Variants in CNTNAP2 observed in about 807,000 individuals in gnomAD.
CNTNAP2 encodes the protein contactin-associated protein-like 2.
In CNTNAP2, 98 loss-of-function variants were observed where a neutral mutation model predicts 155.2. That is an observed-to-expected ratio of 0.63 (90% CI 0.54 to 0.75). The LOEUF (loss-of-function observed/expected upper bound fraction) is 0.75, where lower values mean the gene tolerates loss of function less well. Among genes scored for constraint, CNTNAP2 ranks in the 30% least tolerant of loss-of-function variants. CNTNAP2 has a pLI of 0.00. For missense variants in CNTNAP2, 1,727 were observed against 1,688.1 expected, an observed-to-expected ratio of 1.02 and a Z score of -0.40; for synonymous variants, 651 against 631.2, an observed-to-expected ratio of 1.03 and a Z score of -0.47.
intron 3 of CNTNAP2, among the ~76,000 whole-genome samples, chr7:146,943,863 A>C (rs1023934190): frequency 1.3e-5 from 2 of 152,206 alleles, no homozygotes; most frequent in African/African-American, 4.8e-5. Flanking sequence ...TGCTTACATG[A>C]AGATGATTAG....
In CNTNAP2 at chr7:147,379,633, AT is replaced by A. The variant is rs955901868; in HGVS notation, c.1499-15968del. Among the ~76,000 whole-genome samples the A allele has an allele frequency of 5.9e-5, 9 of 151,946 alleles. No individual in the cohort carries two copies. In the East Asian group the frequency reaches 1.5e-3, roughly 26 times the overall value. On this transcript the variant is annotated intron_variant, in intron 9 of 23. Coordinates refer to ENST00000361727, the MANE Select transcript of CNTNAP2 (RefSeq NM_014141.6). ...GGCTTATGCATTCTCAAGAATCATC[AT>A]TTTTTTTGGAAAAAGATAAAATACA...
chr7:147,962,361 C>G (rs2116844394), intron 14 of CNTNAP2, among the ~76,000 whole-genome samples: 1 of 152,316 alleles, frequency 6.6e-6, no homozygotes, highest in Middle Eastern at 3.4e-3. Context: ...GCTCAGGAAG[C>G]TATGCAAGAG....
intron 8 of CNTNAP2, among the ~76,000 whole-genome samples, chr7:147,191,735 T>G (rs906737807): frequency 1.3e-5 from 2 of 152,198 alleles, no homozygotes; most frequent in South Asian, 2.1e-4. Flanking sequence ...CTTTTAGATT[T>G]CTAATCAGCT....
At chr7:146,498,431 G>C (rs1398838008) in intron 1 of CNTNAP2, among the ~76,000 whole-genome samples, 1 of 152,108 alleles carries the variant, frequency 6.6e-6, no homozygotes, top group Non-Finnish European at 1.5e-5. Flanking sequence ...TGCAATGCTT[G>C]AAACCAGGTT....
At chr7:146,335,910 A>G (rs907748704) in intron 1 of CNTNAP2, among the ~76,000 whole-genome samples, 1 of 152,140 alleles carries the variant, frequency 6.6e-6, no homozygotes, top group Admixed American at 6.5e-5. Context: ...ATATAAAAGT[A>G]AATATTGGCC....
chr7:147,362,136 G>T (rs984266308), intron 9 of CNTNAP2, among the ~76,000 whole-genome samples: 3 of 152,136 alleles, frequency 2.0e-5, no homozygotes, highest in African/African-American at 7.2e-5. Flanking sequence ...AGTAAGCTTT[G>T]TTATGGTTTG....
chr7:147,289,490 G>A (rs1203375075), intron 8 of CNTNAP2, among the ~76,000 whole-genome samples: 1 of 151,918 alleles, frequency 6.6e-6, no homozygotes, highest in Non-Finnish European at 1.5e-5. Flanking sequence ...AAGGAAGAAA[G>A]AAAGGAAAGA....
chr7:147,177,465 T>A (rs1802373366), intron 8 of CNTNAP2, among the ~76,000 whole-genome samples: 1 of 152,118 alleles, frequency 6.6e-6, no homozygotes, highest in African/African-American at 2.4e-5. Flanking sequence ...TCCCCAGCCA[T>A]GCAGAACTGT....
At chr7:146,585,030 A>G (rs552577588) in intron 1 of CNTNAP2, among the ~76,000 whole-genome samples, 1 of 152,310 alleles carries the variant, frequency 6.6e-6, no homozygotes, top group East Asian at 1.9e-4. Flanking sequence ...CATCTGAGCC[A>G]ATTCAGTTCA....
chr7:147,422,528 T>C (rs1318155798), intron 10 of CNTNAP2, among the ~76,000 whole-genome samples: 1 of 152,112 alleles, frequency 6.6e-6, no homozygotes, highest in Non-Finnish European at 1.5e-5. Flanking sequence ...CAAATAAGCC[T>C]ATGCCTCATT....
intron 8 of CNTNAP2, among the ~76,000 whole-genome samples, chr7:147,286,288 G>A (rs1479381731): frequency 6.6e-6 from 1 of 151,870 alleles, no homozygotes; most frequent in Non-Finnish European, 1.5e-5. Context: ...AGTCAATTTA[G>A]ATTTAAGAAA....
chr7:146,234,404 G>T (rs959962558), intron 1 of CNTNAP2, among the ~76,000 whole-genome samples: 6 of 152,060 alleles, frequency 3.9e-5, no homozygotes, highest in African/African-American at 9.7e-5. Flanking sequence ...TTCTCCCATT[G>T]TGTAGGTTGC....
chr7:146,762,367 G>A (rs921939002), intron 1 of CNTNAP2, among the ~76,000 whole-genome samples: 5 of 152,236 alleles, frequency 3.3e-5, no homozygotes, highest in Non-Finnish European at 5.9e-5. Flanking sequence ...TTGGGAGGCC[G>A]AGGCGGGAGG....
At chr7:148,164,217 CAT>C (rs936113872) in intron 17 of CNTNAP2, among the ~76,000 whole-genome samples, 16 of 152,288 alleles carry the variant, frequency 1.1e-4, no homozygotes, top group African/African-American at 3.6e-4. Context: ...GGATTGTAGG[CAT>C]AAGCCACCAC....
intron 1 of CNTNAP2, among the ~76,000 whole-genome samples, chr7:146,342,367 T>C (rs1265408323): frequency 6.6e-6 from 1 of 152,118 alleles, no homozygotes; most frequent in Admixed American, 6.6e-5. Context: ...TCAAAAGCTC[T>C]TCAAAAATAC....
At chr7:147,837,450 G>C (rs1798652036) in intron 13 of CNTNAP2, among the ~76,000 whole-genome samples, 1 of 152,072 alleles carries the variant, frequency 6.6e-6, no homozygotes, top group Non-Finnish European at 1.5e-5. Context: ...TGGGGACACA[G>C]CCAAACCATA....
intron 22 of CNTNAP2, among the ~76,000 whole-genome samples, chr7:148,408,963 T>C (rs1463043491): frequency 6.6e-6 from 1 of 152,238 alleles, no homozygotes; most frequent in African/African-American, 2.4e-5. Flanking sequence ...TGATTCCTTT[T>C]TAAACTTTTT....
At chr7:148,297,275 C>T (rs893148724) in intron 21 of CNTNAP2, among the ~76,000 whole-genome samples, 21 of 152,040 alleles carry the variant, frequency 1.4e-4, no homozygotes, top group East Asian at 1.2e-3. Context: ...TCTCCTAGCA[C>T]GGGCAGTGTG....
intron 3 of CNTNAP2, among the ~76,000 whole-genome samples, chr7:146,968,520 C>A (rs1354422812): frequency 1.3e-5 from 2 of 152,140 alleles, no homozygotes; most frequent in African/African-American, 4.8e-5. Flanking sequence ...GATTCAACTT[C>A]TTCCTGGATT....
Sources: gnomAD v4.1 joint callset for allele counts (sites outside exome capture counted in the v4.1 genomes callset) on GRCh38, gnomAD v4.1.1 for gene constraint, MANE v1.5 for transcripts, NCBI Gene and HGNC (gene_info 2026-07-23, HGNC 2026-07-21) for gene names.